The following TMEM266 variants were observed in gnomAD, a reference collection of about 807,000 sequenced individuals.
TMEM266 encodes the protein transmembrane protein 266.
TMEM266 carries 33 observed loss-of-function variants against 50.5 expected under a neutral mutation model. The observed-to-expected ratio is 0.65, with a 90% CI of 0.50 to 0.87. TMEM266 has a LOEUF of 0.87. TMEM266 is among the 40% of genes least tolerant of loss of function. TMEM266 has a pLI of 0.00. For missense variants in TMEM266, 655 were observed against 695.1 expected (o/e 0.94, Z 0.65); for synonymous variants, 310 against 292.3 (o/e 1.06, Z -0.62).
chr15:76,095,127 C>T (rs1006469119), intron 1 of TMEM266, among the ~76,000 whole-genome samples: 1 of 151,978 alleles, frequency 6.6e-6, no homozygotes, highest in Admixed American at 6.5e-5. Flanking sequence ...CCTGATTGCC[C>T]TGACCAGAAC....
At chr15:76,137,215 A>G (rs1209256100) in intron 2 of TMEM266, among the ~76,000 whole-genome samples, 1 of 152,182 alleles carries the variant, frequency 6.6e-6, no homozygotes, top group Non-Finnish European at 1.5e-5. Flanking sequence ...CAGGCTCCTC[A>G]ATCACCACAG....
intron 8 of TMEM266, among the ~76,000 whole-genome samples, chr15:76,188,871 A>G (rs967822036): frequency 7.2e-5 from 11 of 152,212 alleles, no homozygotes; most frequent in Non-Finnish European, 1.2e-4. Flanking sequence ...TCATAAATGC[A>G]TAAGAATTAA....
intron 3 of TMEM266, among the ~76,000 whole-genome samples, chr15:76,152,790 G>A (rs115714718): frequency 6.6e-6 from 1 of 152,122 alleles, no homozygotes; most frequent in Non-Finnish European, 1.5e-5. Context: ...TGTCTTCCTT[G>A]TAGTACCCAT....
At chr15:76,098,928 C>A (rs529356114) in intron 1 of TMEM266, among the ~76,000 whole-genome samples, 5 of 152,084 alleles carry the variant, frequency 3.3e-5, no homozygotes, top group African/African-American at 9.7e-5. Context: ...CCCTCCCCCC[C>A]ACCAAGCTAG....
intron 9 of TMEM266, among the ~76,000 whole-genome samples, chr15:76,196,403 CAT>C (rs1348962769): frequency 5.3e-5 from 8 of 152,220 alleles, no homozygotes; most frequent in Non-Finnish European, 8.8e-5. Flanking sequence ...GAGGAACACA[CAT>C]GATTCACAGC....
intron 5 of TMEM266, among the ~76,000 whole-genome samples, chr15:76,165,921 G>A (rs2038087751): frequency 1.3e-5 from 2 of 152,126 alleles, no homozygotes; most frequent in South Asian, 4.1e-4. Context: ...ACATCCCTGC[G>A]GTTCCGTCGG....
At chr15:76,062,901 G>A (rs1395097357) in intron 1 of TMEM266, among the ~76,000 whole-genome samples, 3 of 152,144 alleles carry the variant, frequency 2.0e-5, no homozygotes, top group African/African-American at 7.2e-5. Context: ...TGGGGGAAAA[G>A]TTTTCCAAGC....
intron 1 of TMEM266, among the ~76,000 whole-genome samples, chr15:76,129,686 A>C (rs192255623): frequency 6.6e-6 from 1 of 152,060 alleles, no homozygotes; most frequent in Non-Finnish European, 1.5e-5. Flanking sequence ...AAAACTGCTA[A>C]GGAAATATAA....
chr15:76,150,896 T>C lies in TMEM266; in HGVS notation c.228-5708T>C, dbSNP rs1398254502. Among the ~76,000 whole-genome samples the C allele has an allele frequency of 4.6e-5, 7 of 152,256 alleles. No individual in the cohort carries two copies. The East Asian group carries it at 1.2e-3, about 25-fold the overall frequency. Reference sequence around the variant, plus strand: ...TAGAATTTATTCTTTGAATTTTTTATGCAAACACCTAAGACTATGAAGCAG... The same window carrying C: ...TAGAATTTATTCTTTGAATTTTTTACGCAAACACCTAAGACTATGAAGCAG... On this transcript the variant is annotated intron_variant, in intron 3 of 10. Coordinates refer to ENST00000388942, the MANE Select transcript of TMEM266 (RefSeq NM_152335.3).
chr15:76,115,174 T>TC (rs2037229383), intron 1 of TMEM266, among the ~76,000 whole-genome samples: 4 of 152,102 alleles, frequency 2.6e-5, no homozygotes. Context: ...TACTGACAGC[T>TC]CCCCTCAAGA....
In TMEM266 at chr15:76,160,089, T is replaced by C. The variant is rs2037993850; in HGVS notation, c.383-6T>C. 6.2e-7 allele frequency: 1 copy of C among 1,614,070 alleles called. No homozygotes were observed. The highest frequency in any genetic ancestry group is 1.1e-5 in the South Asian group (1 of 91,082). On this transcript the variant is annotated splice_region_variant and splice_polypyrimidine_tract_variant and intron_variant, in intron 4 of 10. Transcript: ENST00000388942. The surrounding 1 kb of genome is among the most constrained non-coding windows in gnomAD (Gnocchi z 5.7). ...CTAAAATTGGTCCTTATCGTGTCCA[T>C]TGCAGTTTCCAGCGCATTCCAGTTT...
Position 76,160,161 on chromosome 15 carries a change from T to A in TMEM266, c.449T>A (p.Phe150Tyr). ...AGCCTGGTCATTCTGTCCGTGTTCT[T>A]CTCAGAGGTAGGTGGAGACTCTGGC... Residue 150 changes from phenylalanine (F) to tyrosine (Y), a missense_variant, in exon 5 of 11, where the codon TTC becomes TAC. Around this residue, in one of 3 missense-constraint regions of TMEM266, gnomAD observed 101 missense variants for 182.6 expected, o/e 0.55. Transcript: ENST00000388942. The surrounding 1 kb of genome is among the most constrained non-coding windows in gnomAD (Gnocchi z 5.7). The A allele has an allele frequency of 6.2e-7, 1 of 1,614,050 alleles. No homozygotes were observed. Among genetic ancestry groups the A allele is most frequent in the South Asian group, 1.1e-5 (1 of 91,078 alleles).
At position 76,134,319 on chromosome 15, in the gene TMEM266, C is replaced by A; in HGVS notation, c.38+18C>A. The A allele has an allele frequency of 6.2e-7, 1 of 1,610,682 alleles. No individual in the cohort carries two copies. Among genetic ancestry groups the A allele is most frequent in the Non-Finnish European group, 8.5e-7 (1 of 1,176,892 alleles). ...AATCCACAGTAAGTAATGCTGGGAT[C>A]TGCTCTCTGGATCCAGAACTGTGGC... On this transcript the variant is annotated intron_variant, in intron 2 of 10. Coordinates refer to ENST00000388942, the MANE Select transcript of TMEM266 (RefSeq NM_152335.3).
intron 10 of TMEM266, 55 bp downstream of exon 10, chr15:76,202,319 C>T: frequency 1.3e-6 from 2 of 1,505,624 alleles, no homozygotes; most frequent in Admixed American, 1.8e-5. Context: ...AATCCCTAAA[C>T]CCAGAGACAA....
chr15:76,081,245 A>G (rs536706181), intron 1 of TMEM266, among the ~76,000 whole-genome samples: 105 of 152,336 alleles, frequency 6.9e-4, no homozygotes, highest in African/African-American at 2.4e-3. Context: ...TGGACAAGTC[A>G]TTGCCCTCAT....
intron 1 of TMEM266, among the ~76,000 whole-genome samples, chr15:76,073,573 A>C (rs1233758376): frequency 2.6e-5 from 4 of 152,224 alleles, no homozygotes; most frequent in African/African-American, 9.6e-5. Context: ...TCCTTAAAAC[A>C]GCAGGATAAA....
chr15:76,141,209 G>A (rs912197392), intron 3 of TMEM266, among the ~76,000 whole-genome samples: 1 of 150,424 alleles, frequency 6.6e-6, no homozygotes, highest in African/African-American at 2.4e-5. Flanking sequence ...CAGCTACCCT[G>A]TCCAATGCCT....
intron 8 of TMEM266, among the ~76,000 whole-genome samples, chr15:76,182,068 A>AC (rs2038418909): frequency 6.6e-6 from 1 of 152,188 alleles, no homozygotes. Context: ...CTCCAAGGAG[A>AC]CCAGTGGGAC....
chr15:76,081,139 C>T (rs1415792122), intron 1 of TMEM266, among the ~76,000 whole-genome samples: 1 of 152,206 alleles, frequency 6.6e-6, no homozygotes, highest in African/African-American at 2.4e-5. Flanking sequence ...CTCTGGTTAC[C>T]ACTCAGGTGA....
Sources: gnomAD v4.1 joint callset for allele counts (sites outside exome capture counted in the v4.1 genomes callset) on GRCh38, gnomAD v4.1.1 for gene constraint, gnomAD v4.1.1 regional missense constraint, Gnocchi (gnomAD v3.1) non-coding constraint, MANE v1.5 for transcripts, NCBI Gene and HGNC (gene_info 2026-07-23, HGNC 2026-07-21) for gene names.